The following KCNIP4 variants were observed in gnomAD, a reference collection of about 807,000 sequenced individuals.
The protein encoded by KCNIP4 is potassium voltage-gated channel interacting protein 4.
KCNIP4 carries 12 observed loss-of-function variants against 34.0 expected under a neutral mutation model. The ratio of observed to expected loss-of-function variants is 0.35; its 90% confidence interval spans 0.23 to 0.57. KCNIP4 has a LOEUF of 0.57. KCNIP4 is among the 20% of genes least tolerant of loss of function. The probability of loss-of-function intolerance (pLI) is 0.83; values close to 1 mark genes in which losing one functional copy is unlikely to be tolerated. For missense variants in KCNIP4, 238 were observed against 311.7 expected (o/e 0.76, Z 1.78); for synonymous variants, 124 against 102.2 (o/e 1.21, Z -1.29).
intron 1 of KCNIP4, among the ~76,000 whole-genome samples, chr4:21,622,585 CAT>C (rs1452616409): frequency 6.6e-6 from 1 of 152,048 alleles, no homozygotes; most frequent in East Asian, 1.9e-4. Flanking sequence ...GTTAATTTAA[CAT>C]GTTTATTTAT....
At chr4:20,774,217 T>G (rs1472462947) in intron 3 of KCNIP4, among the ~76,000 whole-genome samples, 3 of 152,218 alleles carry the variant, frequency 2.0e-5, no homozygotes, top group Non-Finnish European at 4.4e-5. Context: ...ACCTGTTAGC[T>G]TTTGTCATGT....
At chr4:20,858,537 C>T (rs1260487287) in intron 2 of KCNIP4, among the ~76,000 whole-genome samples, 2 of 152,146 alleles carry the variant, frequency 1.3e-5, no homozygotes, top group Non-Finnish European at 2.9e-5. Context: ...GTCATTTAAT[C>T]TTCACAACAT....
rs112686968 is a variant in KCNIP4 at position 20,746,586 on chromosome 4, T to C, written c.429+3076A>G. On this transcript the variant is annotated intron_variant, in intron 5 of 8. Transcript: ENST00000382152. Reference sequence around the variant, plus strand: ...CATCTAATAACTACTGAGCACATATTTGGTGCCAGACACAGAGCCAAGCCC... The same window carrying C: ...CATCTAATAACTACTGAGCACATATCTGGTGCCAGACACAGAGCCAAGCCC... Among the ~76,000 whole-genome samples, 1,074 of 152,248 alleles carry C rather than the reference T, an allele frequency of 7.1e-3. 13 individuals are homozygous for C. The highest frequency in any genetic ancestry group is 0.024 in the African/African-American group (986 of 41,544).
chr4:21,739,637 A>C (rs1716263786), intron 1 of KCNIP4, among the ~76,000 whole-genome samples: 1 of 152,226 alleles, frequency 6.6e-6, no homozygotes, highest in East Asian at 1.9e-4. Flanking sequence ...TTCAAGAAAT[A>C]AATGAATTAC....
intron 1 of KCNIP4, among the ~76,000 whole-genome samples, chr4:21,206,216 C>G (rs1756842505): frequency 6.6e-6 from 1 of 152,194 alleles, no homozygotes; most frequent in South Asian, 2.1e-4. Context: ...TTGATCCTCT[C>G]TGCTGACATA....
At chr4:21,643,217 T>C (rs1378358706) in intron 1 of KCNIP4, among the ~76,000 whole-genome samples, 24 of 152,164 alleles carry the variant, frequency 1.6e-4, no homozygotes, top group Admixed American at 1.6e-3. Context: ...CCATATAACA[T>C]GAGATGTATT....
intron 1 of KCNIP4, among the ~76,000 whole-genome samples, chr4:21,786,902 A>G (rs961132912): frequency 6.6e-6 from 1 of 152,096 alleles, no homozygotes; most frequent in Non-Finnish European, 1.5e-5. Flanking sequence ...AAAGTACCTC[A>G]TATGATCGAG....
chr4:21,259,989 G>A (rs980066228), intron 1 of KCNIP4, among the ~76,000 whole-genome samples: 3 of 151,912 alleles, frequency 2.0e-5, no homozygotes, highest in African/African-American at 7.3e-5. Context: ...AGAACTGTGT[G>A]ATTGTTTCTT....
intron 1 of KCNIP4, among the ~76,000 whole-genome samples, chr4:21,544,211 C>G (rs12504396): frequency 9.2e-5 from 14 of 151,946 alleles, no homozygotes; most frequent in Admixed American, 9.2e-4. Flanking sequence ...GTACCACTGA[C>G]CTAGAGTCAG....
chr4:21,589,241 TATATA>T (rs1741951003), intron 1 of KCNIP4, among the ~76,000 whole-genome samples: 1 of 104,186 alleles, frequency 9.6e-6, no homozygotes, highest in Admixed American at 1.0e-4. Context: ...TACAGATACA[TATATA>T]CATATATGTA....
chr4:21,421,067 A>G (rs1435307428), intron 1 of KCNIP4, among the ~76,000 whole-genome samples: 1 of 152,228 alleles, frequency 6.6e-6, no homozygotes, highest in Admixed American at 6.5e-5. Context: ...AGGAAATGCA[A>G]ATCAAAACCA....
chr4:21,035,114 G>T (rs1367793267), intron 1 of KCNIP4, among the ~76,000 whole-genome samples: 2 of 152,186 alleles, frequency 1.3e-5, no homozygotes, highest in African/African-American at 4.8e-5. Context: ...GTTGTGGAAA[G>T]ATTCTGGGAT....
chr4:21,880,676 G>C (rs192833892), intron 1 of KCNIP4, among the ~76,000 whole-genome samples: 1 of 152,270 alleles, frequency 6.6e-6, no homozygotes, highest in East Asian at 1.9e-4. Flanking sequence ...TTTACTGTAT[G>C]GCATGTATAA....
intron 2 of KCNIP4, among the ~76,000 whole-genome samples, chr4:20,853,656 A>G (rs1214936333): frequency 6.6e-6 from 1 of 152,218 alleles, no homozygotes; most frequent in Non-Finnish European, 1.5e-5. Flanking sequence ...CTGGGACCTC[A>G]TTAAACTAAA....
At chr4:21,572,056 A>G (rs1029046391) in intron 1 of KCNIP4, among the ~76,000 whole-genome samples, 1 of 152,132 alleles carries the variant, frequency 6.6e-6, no homozygotes, top group East Asian at 1.9e-4. Flanking sequence ...TTAAACTTAG[A>G]ACTGCCTAAC....
chr4:21,588,440 C>T (rs1741824913), intron 1 of KCNIP4, among the ~76,000 whole-genome samples: 1 of 151,986 alleles, frequency 6.6e-6, no homozygotes, highest in Non-Finnish European at 1.5e-5. Context: ...GATTTTGATG[C>T]TAATTAGGTA....
chr4:21,767,085 T>A (rs1261882732), intron 1 of KCNIP4, among the ~76,000 whole-genome samples: 4 of 152,062 alleles, frequency 2.6e-5, no homozygotes, highest in African/African-American at 9.7e-5. Flanking sequence ...CAGAGCAACA[T>A]CTGAGAAGAG....
Position 21,114,748 on chromosome 4 carries a change from T to G in KCNIP4, c.62-232039A>C, listed in dbSNP as rs1749544080. On this transcript the variant is annotated intron_variant, in intron 1 of 8. Transcript: ENST00000382152. ...ACAGAATCATTAAATACCATCATTTTCCGATGAAAAAACTCAGGTGTAGGA... is the reference window on the plus strand; with the variant it reads ...ACAGAATCATTAAATACCATCATTTGCCGATGAAAAAACTCAGGTGTAGGA... 2.6e-5 allele frequency among the ~76,000 whole-genome samples: 4 copies of G among 152,108 alleles called. No individual in the cohort carries two copies. The South Asian group carries it at 8.3e-4, about 31-fold the overall frequency.
intron 1 of KCNIP4, among the ~76,000 whole-genome samples, chr4:21,450,883 C>G (rs1379958880): frequency 6.6e-6 from 1 of 152,088 alleles, no homozygotes; most frequent in Non-Finnish European, 1.5e-5. Context: ...TATTGAGATT[C>G]TATGATGTGC....
Sources: gnomAD v4.1 joint callset for allele counts (sites outside exome capture counted in the v4.1 genomes callset) on GRCh38, gnomAD v4.1.1 for gene constraint, MANE v1.5 for transcripts, NCBI Gene and HGNC (gene_info 2026-07-23, HGNC 2026-07-21) for gene names.